The following MRPS28 variants were observed in gnomAD, a reference collection of about 807,000 sequenced individuals.
MRPS28 encodes the protein mitochondrial ribosomal protein S28.
In MRPS28, 7 loss-of-function variants were observed where a neutral mutation model predicts 10.8. That is an observed-to-expected ratio of 0.65 (90% CI 0.37 to 1.22). MRPS28 has a LOEUF of 1.22. Among genes scored for constraint, MRPS28 ranks in the 50% most tolerant of loss-of-function variants. MRPS28 has a pLI of 0.02. For synonymous variants in MRPS28, 121 were observed against 93.3 expected, an observed-to-expected ratio of 1.30 and a Z score of -1.71; for missense variants, 265 against 232.9, an observed-to-expected ratio of 1.14 and a Z score of -0.90.
chr8:80,012,898 G>A (rs781349024), intron 1 of MRPS28, among the ~76,000 whole-genome samples: 2 of 151,990 alleles, frequency 1.3e-5, no homozygotes, highest in Non-Finnish European at 2.9e-5. Context: ...TTGGAAACAG[G>A]GGCAACTAGT....
intron 2 of MRPS28, among the ~76,000 whole-genome samples, chr8:79,987,462 A>G (rs1808220721): frequency 6.6e-6 from 1 of 152,122 alleles, no homozygotes; most frequent in Non-Finnish European, 1.5e-5. Flanking sequence ...TGCACAGCAA[A>G]AGAAACTACC....
intron 1 of MRPS28, among the ~76,000 whole-genome samples, chr8:80,020,002 G>A (rs2130235654): frequency 6.6e-6 from 1 of 152,266 alleles, no homozygotes; most frequent in East Asian, 1.9e-4. Context: ...GGAGACATGA[G>A]ACATCAATCA....
chr8:79,986,082 TC>T (rs767491892), intron 2 of MRPS28, among the ~76,000 whole-genome samples: 1 of 152,198 alleles, frequency 6.6e-6, no homozygotes, highest in Non-Finnish European at 1.5e-5. Flanking sequence ...TCTGCCATGA[TC>T]AAGTAGGCTT....
chr8:79,976,378 C>T (rs1046667705), intron 2 of MRPS28, among the ~76,000 whole-genome samples: 1 of 152,164 alleles, frequency 6.6e-6, no homozygotes, highest in South Asian at 2.1e-4. Context: ...CCACCGCACC[C>T]GGCCTTGTTA....
At chr8:79,939,852 C>T (rs930393498) in intron 2 of MRPS28, among the ~76,000 whole-genome samples, 1 of 151,978 alleles carries the variant, frequency 6.6e-6, no homozygotes, top group Non-Finnish European at 1.5e-5. Context: ...CGCCTGTAGT[C>T]CCAGCTACTC....
chr8:80,020,656 T>C (rs2130238496), intron 1 of MRPS28, among the ~76,000 whole-genome samples: 1 of 152,260 alleles, frequency 6.6e-6, no homozygotes, highest in East Asian at 1.9e-4. Flanking sequence ...TTGAGACCCG[T>C]TGCAATCTAT....
chr8:79,941,450 CAG>C (rs10618235), intron 2 of MRPS28, among the ~76,000 whole-genome samples: 2,847 of 44,922 alleles, frequency 0.063, 96 homozygotes, highest in African/African-American at 0.11. Context: ...TAAAGCCAGA[CAG>C]AGTTTCAGCT....
intron 2 of MRPS28, among the ~76,000 whole-genome samples, chr8:79,983,781 A>G (rs1350348558): frequency 6.6e-6 from 1 of 152,220 alleles, no homozygotes; most frequent in Non-Finnish European, 1.5e-5. Flanking sequence ...ATGTGAAAAG[A>G]CCAAATCTAT....
intron 2 of MRPS28, among the ~76,000 whole-genome samples, chr8:79,947,532 C>A (rs902479131): frequency 6.6e-6 from 1 of 151,846 alleles, no homozygotes; most frequent in East Asian, 1.9e-4. Context: ...TCCTTCTAAT[C>A]ATCTCTCCAC....
At chr8:79,944,650 A>G (rs1255049007) in intron 2 of MRPS28, among the ~76,000 whole-genome samples, 1 of 151,928 alleles carries the variant, frequency 6.6e-6, no homozygotes, top group African/African-American at 2.4e-5. Context: ...ATATGCATTG[A>G]ACACTGAAGA....
chr8:79,962,900 G>A (rs921384302), intron 2 of MRPS28, among the ~76,000 whole-genome samples: 2 of 152,092 alleles, frequency 1.3e-5, no homozygotes, highest in African/African-American at 2.4e-5. Flanking sequence ...AAACTAGGAA[G>A]GATAGGCCTT....
intron 2 of MRPS28, among the ~76,000 whole-genome samples, chr8:79,939,770 A>G (rs931570406): frequency 6.6e-6 from 1 of 152,064 alleles, no homozygotes; most frequent in Non-Finnish European, 1.5e-5. Flanking sequence ...GGAGATCGAG[A>G]CCATCCTAGC....
rs1375340493 is a variant in MRPS28, at chr8:79,949,435, C to A, written c.396-30287G>T. 4.8e-4 allele frequency among the ~76,000 whole-genome samples: 71 copies of A among 147,032 alleles called. 1 individual carries two copies. The highest frequency in any genetic ancestry group is 8.4e-4 in the Non-Finnish European group (56 of 66,290). Reference sequence around the variant, plus strand: ...TCTCAAAAAAAAAAAAAAACAACAACAAAAAAAAACAAAACTAATCTGCTT... The same window carrying A: ...TCTCAAAAAAAAAAAAAAACAACAAAAAAAAAAAACAAAACTAATCTGCTT... On this transcript the variant is annotated intron_variant, in intron 2 of 2. Transcript: ENST00000276585.
At chr8:79,957,561 A>C (rs973600148) in intron 2 of MRPS28, among the ~76,000 whole-genome samples, 2 of 151,724 alleles carry the variant, frequency 1.3e-5, no homozygotes, top group African/African-American at 4.8e-5. Flanking sequence ...AAAAAAAAAA[A>C]AAAAAACTTA....
chr8:79,949,173 T>TG (rs1029647701), intron 2 of MRPS28, among the ~76,000 whole-genome samples: 1 of 152,150 alleles, frequency 6.6e-6, no homozygotes, highest in African/African-American at 2.4e-5. Context: ...CCCAACACTT[T>TG]GGGAGGCCAA....
intron 2 of MRPS28, among the ~76,000 whole-genome samples, chr8:79,923,140 A>G (rs1013254473): frequency 6.6e-6 from 1 of 152,188 alleles, no homozygotes; most frequent in South Asian, 2.1e-4. Flanking sequence ...ATATATGTAT[A>G]TATGTGTATT....
intron 2 of MRPS28, among the ~76,000 whole-genome samples, chr8:80,001,039 C>T (rs1435293978): frequency 6.6e-6 from 1 of 152,160 alleles, no homozygotes; most frequent in Non-Finnish European, 1.5e-5. Context: ...AAGTATATGA[C>T]TAGTATTTGT....
In MRPS28 at chr8:79,985,958, G is replaced by A. The variant is rs564563971; in HGVS notation, c.395+17041C>T. On this transcript the variant is annotated intron_variant, in intron 2 of 2. Coordinates refer to ENST00000276585, the MANE Select transcript of MRPS28 (RefSeq NM_014018.3). ...AGCATCATCCTGATACCAAAGCCTG[G>A]CAGAGACACAACCAAAAAAGAGAAT... Among the ~76,000 whole-genome samples, 822 of 152,194 alleles carry A rather than the reference G, an allele frequency of 5.4e-3. 6 individuals carry two copies. The highest frequency in any genetic ancestry group is 0.019 in the African/African-American group (783 of 41,508).
intron 1 of MRPS28, among the ~76,000 whole-genome samples, chr8:80,028,033 A>G (rs574676645): frequency 1.3e-3 from 198 of 152,342 alleles, no homozygotes; most frequent in Non-Finnish European, 1.7e-3. Context: ...TGGAAAGGAA[A>G]GGAAAGAGAA....
Sources: gnomAD v4.1 joint callset for allele counts (sites outside exome capture counted in the v4.1 genomes callset) on GRCh38, gnomAD v4.1.1 for gene constraint, MANE v1.5 for transcripts, NCBI Gene and HGNC (gene_info 2026-07-23, HGNC 2026-07-21) for gene names.